Variants in SPATS2L observed in about 807,000 individuals in gnomAD.
The protein encoded by SPATS2L is spermatogenesis associated serine rich 2 like.
In SPATS2L, 30 loss-of-function variants were observed where a neutral mutation model predicts 59.6. The ratio of observed to expected loss-of-function variants is 0.50; its 90% CI spans 0.38 to 0.68. SPATS2L has a LOEUF of 0.68. Ranked by LOEUF, SPATS2L falls within the 30% of genes least tolerant of loss-of-function variation. The pLI, the probability that SPATS2L is intolerant of heterozygous loss-of-function variation, is 0.00. For synonymous variants in SPATS2L, 252 were observed against 263.5 expected, an observed-to-expected ratio of 0.96 and a Z score of 0.42; for missense variants, 615 against 700.0, an observed-to-expected ratio of 0.88 and a Z score of 1.37.
chr2:200,381,527 C>T (rs2081811373), intron 2 of SPATS2L, among the ~76,000 whole-genome samples: 1 of 152,192 alleles, frequency 6.6e-6, no homozygotes, highest in African/African-American at 2.4e-5. Context: ...CAGAGCACTG[C>T]TGTCTGCTAA....
chr2:200,316,147 G>C (rs2079371538), intron 1 of SPATS2L, among the ~76,000 whole-genome samples: 1 of 152,164 alleles, frequency 6.6e-6, no homozygotes, highest in Non-Finnish European at 1.5e-5. Context: ...TCCTGGAAGA[G>C]GTGATGGGAA....
intron 5 of SPATS2L, 90 bp from the exon 6 acceptor site, chr2:200,419,160 G>T (rs1315918005): frequency 7.4e-7 from 1 of 1,342,776 alleles, no homozygotes; most frequent in African/African-American, 1.5e-5. Context: ...AACCAAAAAA[G>T]ATAGCATATC....
At chr2:200,346,388 G>A (rs563623673) in intron 2 of SPATS2L, among the ~76,000 whole-genome samples, 4 of 152,098 alleles carry the variant, frequency 2.6e-5, no homozygotes, top group Non-Finnish European at 5.9e-5. Flanking sequence ...GAATGTGGTT[G>A]TTTTCAACCT....
intron 2 of SPATS2L, among the ~76,000 whole-genome samples, chr2:200,361,243 C>G (rs2081096653): frequency 1.3e-5 from 2 of 152,070 alleles, no homozygotes; most frequent in Admixed American, 1.3e-4. Context: ...TTTATTGCTT[C>G]TCATGTAAGC....
intron 10 of SPATS2L, 99 bp downstream of exon 10, chr2:200,467,498 C>A: frequency 1.3e-6 from 1 of 772,976 alleles, no homozygotes. Context: ...GAGGATCTAA[C>A]ATGTACACCC....
intron 1 of SPATS2L, among the ~76,000 whole-genome samples, chr2:200,309,367 G>A (rs912122263): frequency 2.6e-5 from 4 of 152,194 alleles, no homozygotes; most frequent in Admixed American, 2.6e-4. Context: ...GATCTAAGCT[G>A]CTACTACCTG....
intron 3 of SPATS2L, among the ~76,000 whole-genome samples, chr2:200,396,033 A>AATATAAATATAT (rs1553520467): frequency 2.6e-3 from 55 of 21,122 alleles, no homozygotes; most frequent in African/African-American, 6.1e-3. Context: ...AAAAAAAAAA[A>AATATAAATATAT]ATATATATAT....
intron 9 of SPATS2L, among the ~76,000 whole-genome samples, chr2:200,461,776 G>T (rs1008499601): frequency 6.6e-6 from 1 of 152,002 alleles, no homozygotes; most frequent in Non-Finnish European, 1.5e-5. Flanking sequence ...TATTTTTCTT[G>T]TCTGGACCTA....
intron 3 of SPATS2L, among the ~76,000 whole-genome samples, chr2:200,402,689 T>A (rs1303299566): frequency 2.0e-5 from 3 of 152,246 alleles, no homozygotes; most frequent in Non-Finnish European, 2.9e-5. Context: ...CTGTCACTGC[T>A]GCAGTCCAGC....
intron 3 of SPATS2L, among the ~76,000 whole-genome samples, chr2:200,404,225 A>T (rs959921970): frequency 4.6e-5 from 7 of 152,182 alleles, no homozygotes; most frequent in African/African-American, 7.2e-5. Context: ...GACAGATTGG[A>T]GAGAGGAGAA....
intron 1 of SPATS2L, among the ~76,000 whole-genome samples, chr2:200,315,644 AC>A (rs2079346218): frequency 6.6e-6 from 1 of 152,174 alleles, no homozygotes; most frequent in South Asian, 2.1e-4. Flanking sequence ...AATGTGTCAA[AC>A]AAAATGATGT....
intron 2 of SPATS2L, among the ~76,000 whole-genome samples, chr2:200,332,012 G>A (rs932431287): frequency 6.6e-6 from 1 of 152,136 alleles, no homozygotes; most frequent in African/African-American, 2.4e-5. Flanking sequence ...GGCTTTCCAG[G>A]CTTGATCAGT....
intron 5 of SPATS2L, among the ~76,000 whole-genome samples, chr2:200,417,282 C>G (rs200819723): frequency 1.3e-5 from 2 of 152,110 alleles, no homozygotes; most frequent in East Asian, 1.9e-4. Flanking sequence ...CCGAAGATTA[C>G]TGAAATTACA....
rs1395957988 is a variant in SPATS2L, at chr2:200,354,323, T to A, written c.-23+24843T>A. ...TAGCCAGCCCTAGTAAAGAATCAAGTTCAGGTCGGGCGCGATGGCTCACAC... is the reference window on the plus strand; with the variant it reads ...TAGCCAGCCCTAGTAAAGAATCAAGATCAGGTCGGGCGCGATGGCTCACAC... On this transcript the variant is annotated intron_variant, in intron 2 of 12. Coordinates refer to ENST00000409140, the MANE Select transcript of SPATS2L (RefSeq NM_001100423.2). 2.0e-5 allele frequency among the ~76,000 whole-genome samples: 3 copies of A among 152,154 alleles called. No individual in the cohort carries two copies. The East Asian group carries it at 5.8e-4, about 29-fold the overall frequency.
intron 2 of SPATS2L, among the ~76,000 whole-genome samples, chr2:200,354,073 G>T (rs1197538632): frequency 6.6e-6 from 1 of 152,178 alleles, no homozygotes; most frequent in Non-Finnish European, 1.5e-5. Flanking sequence ...AACTAACCAT[G>T]AATAATTATT....
intron 2 of SPATS2L, chr2:200,351,271 G>A (rs760295806): frequency 1.7e-5 from 8 of 471,314 alleles, no homozygotes; most frequent in African/African-American, 6.0e-5. Flanking sequence ...ACCAACAATA[G>A]CAAGCTTTTC....
At chr2:200,477,556 A>T in intron 12 of SPATS2L, 80 bp from the exon 13 acceptor site, 9 of 693,710 alleles carry the variant, frequency 1.3e-5, no homozygotes, top group Non-Finnish European at 1.6e-5. Context: ...TGTGGCTTAG[A>T]GATTTGGTTT....
chr2:200,310,968 G>A (rs181735068), intron 1 of SPATS2L, among the ~76,000 whole-genome samples: 115 of 152,132 alleles, frequency 7.6e-4, no homozygotes, highest in Non-Finnish European at 1.2e-3. Flanking sequence ...CCTTTCTTAC[G>A]CTGTTACATG....
At chr2:200,313,058 A>T in intron 1 of SPATS2L, among the ~76,000 whole-genome samples, 1 of 152,230 alleles carries the variant, frequency 6.6e-6, no homozygotes, top group East Asian at 1.9e-4. Flanking sequence ...TGCAGAGTTG[A>T]TAAGTGGCAG....
Sources: allele counts gnomAD v4.1 joint callset (sites outside exome capture counted in the v4.1 genomes callset), GRCh38; gene constraint gnomAD v4.1.1; transcripts MANE v1.5; gene names NCBI Gene and HGNC (gene_info 2026-07-23, HGNC 2026-07-21).